Variants in ERC1 observed in about 807,000 individuals in gnomAD.
The protein encoded by ERC1 is ELKS/RAB6-interacting/CAST family member 1, also known as RAB6 interacting protein 2.
In ERC1, 56 loss-of-function variants were observed where a neutral mutation model predicts 132.0. The ratio of observed to expected loss-of-function variants is 0.42; its 90% CI spans 0.34 to 0.53. ERC1 has a LOEUF of 0.53. Among genes scored for constraint, ERC1 ranks in the 20% least tolerant of loss-of-function variants. ERC1 has a pLI of 0.03. For missense variants in ERC1, 1,202 were observed against 1,349.9 expected (o/e 0.89, Z 1.72); for synonymous variants, 478 against 476.1 (o/e 1.00, Z -0.05).
intron 1 of ERC1, among the ~76,000 whole-genome samples, chr12:1,021,571 C>T (rs1372870901): frequency 2.6e-5 from 4 of 151,936 alleles, no homozygotes; most frequent in Admixed American, 1.3e-4. Flanking sequence ...TGGTGGCACG[C>T]ACCTGTAGTC....
intron 2 of ERC1, among the ~76,000 whole-genome samples, chr12:1,062,759 T>C (rs1246595922): frequency 6.6e-6 from 1 of 152,214 alleles, no homozygotes; most frequent in Non-Finnish European, 1.5e-5. Context: ...CCAGTGTTTC[T>C]TTGTTGATTT....
intron 18 of ERC1, among the ~76,000 whole-genome samples, chr12:1,478,679 G>A (rs2094023760): frequency 6.6e-6 from 1 of 152,100 alleles, no homozygotes; most frequent in Non-Finnish European, 1.5e-5. Flanking sequence ...TGTAGTCCCA[G>A]CTACTTGGCT....
intron 13 of ERC1, among the ~76,000 whole-genome samples, chr12:1,245,931 ATTT>A (rs563467817): frequency 6.6e-6 from 1 of 151,042 alleles, no homozygotes; most frequent in African/African-American, 2.4e-5. Flanking sequence ...TCCCAAAGTG[ATTT>A]TTTTTTCTTT....
chr12:1,000,222 C>T (rs1336612259), intron 1 of ERC1, among the ~76,000 whole-genome samples: 5 of 152,108 alleles, frequency 3.3e-5, no homozygotes, highest in African/African-American at 7.2e-5. Flanking sequence ...CAGTGGCTCA[C>T]GCCTGTAATC....
At chr12:1,317,956 T>C (rs952055697) in intron 15 of ERC1, among the ~76,000 whole-genome samples, 2 of 152,220 alleles carry the variant, frequency 1.3e-5, no homozygotes, top group African/African-American at 2.4e-5. Context: ...GTAAATATTT[T>C]ATGTAGCATG....
intron 8 of ERC1, among the ~76,000 whole-genome samples, chr12:1,172,057 A>G (rs1004905975): frequency 1.3e-5 from 2 of 152,232 alleles, no homozygotes; most frequent in African/African-American, 4.8e-5. Context: ...GAAAGCCTCT[A>G]TATAAAATAA....
intron 7 of ERC1, among the ~76,000 whole-genome samples, chr12:1,132,174 G>GT (rs145349646): frequency 6.6e-6 from 1 of 152,140 alleles, no homozygotes; most frequent in Non-Finnish European, 1.5e-5. Flanking sequence ...TTTTGTGGTG[G>GT]TTTTTATCTC....
chr12:1,377,269 A>G (rs554902542), intron 16 of ERC1, among the ~76,000 whole-genome samples: 4 of 152,202 alleles, frequency 2.6e-5, no homozygotes, highest in Non-Finnish European at 4.4e-5. Context: ...GGCACTGCCT[A>G]TGATACCTTT....
chr12:1,317,242 A>G (rs1405773460), intron 15 of ERC1, among the ~76,000 whole-genome samples: 2 of 152,100 alleles, frequency 1.3e-5, no homozygotes, highest in Admixed American at 6.6e-5. Flanking sequence ...GGATGAGTTC[A>G]TGTCCTTTGC....
intron 2 of ERC1, among the ~76,000 whole-genome samples, chr12:1,057,956 G>A (rs564776487): frequency 2.0e-5 from 3 of 152,130 alleles, no homozygotes; most frequent in African/African-American, 7.2e-5. Context: ...TAGATCCTTA[G>A]ATCTAGACTA....
rs556735097 is a variant in ERC1, at chr12:1,204,360, CTG to C, written c.2351+14310_2351+14311del. 1,200 of 524,502 alleles carry C rather than the reference CTG, an allele frequency of 2.3e-3. 4 individuals are homozygous for C. Among genetic ancestry groups the C allele is most frequent in the African/African-American group, 0.01 (540 of 53,152 alleles). The allele number at this position is 524,502 out of a possible 1,614,324, so 32.5% of individuals were successfully genotyped here. A position where few individuals can be genotyped will look rare whatever the true frequency, so the allele number is the denominator to read the frequency against. On this transcript the variant is annotated intron_variant, in intron 12 of 18. Coordinates refer to ENST00000360905, the MANE Select transcript of ERC1 (RefSeq NM_178040.4). ...ATCTGAAATAATTCTTTTTTAGTGA[CTG>C]TATAGAATTTGTGACTCCTTCCCTT... is the stretch of plus-strand genomic sequence containing the variant.
At chr12:996,275 T>G (rs1377639190) in intron 1 of ERC1, among the ~76,000 whole-genome samples, 1 of 143,512 alleles carries the variant, frequency 7.0e-6, no homozygotes, top group Non-Finnish European at 1.5e-5. Context: ...TTTTTTTTTT[T>G]GTATTTTTAG....
chr12:1,180,517 C>G, intron 8 of ERC1, 23 bp from the exon 9 acceptor site: 1 of 1,609,638 alleles, frequency 6.2e-7, no homozygotes, highest in Non-Finnish European at 8.5e-7. Context: ...TCTCTTTTCC[C>G]TTAAATATTT....
intron 15 of ERC1, among the ~76,000 whole-genome samples, chr12:1,353,965 A>T (rs1287440197): frequency 3.3e-5 from 5 of 150,560 alleles, no homozygotes; most frequent in Non-Finnish European, 5.9e-5. Context: ...CTTCCAGGGG[A>T]CCACCTTCTT....
chr12:1,121,823 GTGTCTCTATCTCTATCTATCTC>G (rs1947264771), intron 7 of ERC1, among the ~76,000 whole-genome samples: 1 of 13,052 alleles, frequency 7.7e-5, no homozygotes, highest in African/African-American at 3.1e-4. Flanking sequence ...ATCTCTATCT[GTGTCTCTATCTCTATCTATCTC>G]TATCTCTATC....
chr12:1,126,322 T>G (rs1455112665), intron 7 of ERC1, among the ~76,000 whole-genome samples: 1 of 152,000 alleles, frequency 6.6e-6, no homozygotes, highest in Non-Finnish European at 1.5e-5. Flanking sequence ...AAGGAGCAGA[T>G]ATGAAAAGAA....
chr12:1,058,078 G>C (rs527902503), intron 2 of ERC1, among the ~76,000 whole-genome samples: 7 of 151,744 alleles, frequency 4.6e-5, no homozygotes, highest in Non-Finnish European at 1.0e-4. Flanking sequence ...TTATATTCTG[G>C]ATATTAGTCC....
chr12:1,220,499 G>T lies in ERC1; in HGVS notation c.2352-16270G>T, dbSNP rs571432444. The stretch of plus-strand genomic sequence containing the variant: ...GCTTTACATCAGTTGAGAGAAACTT[G>T]AATGTTTATTAGGTTACTGTTATTT... On this transcript the variant is annotated intron_variant, in intron 12 of 18. Transcript: ENST00000360905. 2.0e-5 allele frequency among the ~76,000 whole-genome samples: 3 copies of T among 152,306 alleles called. No individual in the cohort carries two copies. The South Asian group carries it at 6.2e-4, about 32-fold the overall frequency.
At chr12:1,435,644 T>C (rs1395465819) in intron 17 of ERC1, among the ~76,000 whole-genome samples, 2 of 152,238 alleles carry the variant, frequency 1.3e-5, no homozygotes, top group African/African-American at 2.4e-5. Flanking sequence ...GCTGGAAATA[T>C]TGGCTGAGGG....
Sources: gnomAD v4.1 joint callset for allele counts (sites outside exome capture counted in the v4.1 genomes callset) on GRCh38, gnomAD v4.1.1 for gene constraint, MANE v1.5 for transcripts, NCBI Gene and HGNC (gene_info 2026-07-23, HGNC 2026-07-21) for gene names.